Variants in DNAH8 observed in about 807,000 individuals in gnomAD.
The protein encoded by DNAH8 is dynein axonemal heavy chain 8.
DNAH8 carries 382 observed loss-of-function variants against 562.1 expected under a neutral mutation model. The observed-to-expected ratio is 0.68, with a 90% CI of 0.63 to 0.74. DNAH8 has a LOEUF of 0.74. Among genes scored for constraint, DNAH8 ranks in the 30% least tolerant of loss-of-function variants. The pLI is 0.00. For synonymous variants in DNAH8, 1,881 were observed against 1,919.4 expected, an observed-to-expected ratio of 0.98 and a Z score of 0.52; for missense variants, 5,203 against 5,620.4, an observed-to-expected ratio of 0.93 and a Z score of 2.37.
chr6:38,805,075 T>C (rs1220731073), intron 22 of DNAH8, among the ~76,000 whole-genome samples: 2 of 152,210 alleles, frequency 1.3e-5, no homozygotes, highest in Non-Finnish European at 2.9e-5. Context: ...AGAATGAGTA[T>C]GCACATCACA....
At chr6:38,797,113 G>A (rs1770337165) in intron 21 of DNAH8, among the ~76,000 whole-genome samples, 1 of 152,196 alleles carries the variant, frequency 6.6e-6, no homozygotes, top group African/African-American at 2.4e-5. Context: ...TCAACTTGGG[G>A]CTGGACGCGG....
intron 9 of DNAH8, among the ~76,000 whole-genome samples, chr6:38,753,711 A>C (rs1765664477): frequency 6.6e-6 from 1 of 152,332 alleles, no homozygotes; most frequent in South Asian, 2.1e-4. Flanking sequence ...GTTTTAATTC[A>C]TATAATTTAA....
rs766979092 is a variant in DNAH8, at chr6:38,723,369, A to G, written c.423A>G (p.Arg141=). Residue 141 remains arginine, a synonymous_variant, in exon 3 of 93, where the codon AGA becomes AGG. Coordinates refer to ENST00000327475, the MANE Select transcript of DNAH8 (RefSeq NM_001206927.2). ...ARFREARESR[R]LKIDPSYKYI... The stretch of plus-strand genomic sequence containing the variant: ...TTAGAGAGGCAAGGGAAAGCCGAAG[A>G]CTGAAAATTGACCCTTCATACAAAT... 1.9e-5 allele frequency: 31 copies of G among 1,611,388 alleles called. No homozygotes were observed. Among genetic ancestry groups the G allele is most frequent in the Non-Finnish European group, 2.5e-5 (29 of 1,179,626 alleles).
intron 13 of DNAH8, among the ~76,000 whole-genome samples, chr6:38,778,038 A>G (rs1768235885): frequency 6.6e-6 from 1 of 152,244 alleles, no homozygotes; most frequent in Non-Finnish European, 1.5e-5. Flanking sequence ...AGGTGAAATT[A>G]ATTTTAATAA....
At chr6:39,007,357 C>T (rs1765861097) in intron 88 of DNAH8, among the ~76,000 whole-genome samples, 1 of 152,188 alleles carries the variant, frequency 6.6e-6, no homozygotes, top group Admixed American at 6.5e-5. Context: ...AAAAACAAGC[C>T]ACTAATCTCA....
intron 21 of DNAH8, among the ~76,000 whole-genome samples, chr6:38,797,596 A>G (rs1770391649): frequency 6.6e-6 from 1 of 151,962 alleles, no homozygotes; most frequent in Non-Finnish European, 1.5e-5. Flanking sequence ...TCCAATTCCA[A>G]TTCCTTGTAA....
chr6:38,761,586 G>T, intron 10 of DNAH8, 116 bp from the exon 11 acceptor site: 1 of 561,124 alleles, frequency 1.8e-6, no homozygotes, highest in Non-Finnish European at 2.8e-6. Flanking sequence ...ATGAGCCACT[G>T]CACTTGGCCC....
At chr6:38,853,489 C>T (rs1775932256) in intron 41 of DNAH8, 142 bp downstream of exon 41, 1 of 886,194 alleles carries the variant, frequency 1.1e-6, no homozygotes, top group Non-Finnish European at 1.7e-6. Flanking sequence ...TCATTTTAGC[C>T]TCAGCTCCCA....
rs554468076 is a variant in DNAH8 at position 38,992,254 on chromosome 6, C to T, written c.13214+2082C>T. On this transcript the variant is annotated intron_variant, in intron 88 of 92. Coordinates refer to ENST00000327475, the MANE Select transcript of DNAH8 (RefSeq NM_001206927.2). ...AAGTGTTGGGATTACAGGTGTGAGC[C>T]ACCGCACCCAGCCTCATACTTTACA... 2.0e-5 allele frequency among the ~76,000 whole-genome samples: 3 copies of T among 152,302 alleles called. No individual in the cohort carries two copies. In the East Asian group the frequency reaches 5.8e-4, roughly 29 times the overall value.
chr6:38,925,496 C>T (rs563342891), intron 73 of DNAH8, among the ~76,000 whole-genome samples: 92 of 151,832 alleles, frequency 6.1e-4, no homozygotes, highest in African/African-American at 2.1e-3. Context: ...GCGCCTGGCC[C>T]GGTGATTTTA....
intron 21 of DNAH8, among the ~76,000 whole-genome samples, chr6:38,798,243 A>T (rs1030299655): frequency 2.0e-5 from 3 of 152,334 alleles, no homozygotes; most frequent in South Asian, 4.1e-4. Context: ...AAGTCTGTGA[A>T]TATACTAAAA....
At chr6:38,927,839 C>G (rs1056474639) in intron 74 of DNAH8, among the ~76,000 whole-genome samples, 20 of 152,156 alleles carry the variant, frequency 1.3e-4, no homozygotes, top group African/African-American at 4.8e-4. Flanking sequence ...TCCCAGGAAC[C>G]TTCTTGTGGA....
intron 91 of DNAH8, among the ~76,000 whole-genome samples, chr6:39,019,192 A>G (rs71571358): frequency 0.15 from 23,505 of 152,136 alleles, 1,947 homozygotes; most frequent in Middle Eastern, 0.25. Flanking sequence ...TAAAAGAGGC[A>G]GGAGGAGGTG....
chr6:39,011,511 G>A (rs1208007973), intron 89 of DNAH8, among the ~76,000 whole-genome samples: 1 of 152,196 alleles, frequency 6.6e-6, no homozygotes. Context: ...TTGGGCATAT[G>A]TCACCAAATT....
intron 52 of DNAH8, 98 bp downstream of exon 52, chr6:38,873,474 A>C (rs1438565479): frequency 6.4e-6 from 7 of 1,087,706 alleles, no homozygotes; most frequent in East Asian, 2.6e-5. Context: ...CAGACAGTCC[A>C]TAAAAATCAT....
At chr6:38,896,617 AAAAG>A (rs1434187127) in intron 60 of DNAH8, among the ~76,000 whole-genome samples, 7 of 151,868 alleles carry the variant, frequency 4.6e-5, no homozygotes, top group Admixed American at 2.0e-4. Context: ...AAAAAAACAA[AAAAG>A]AGAGAGAGAG....
At chr6:38,916,887 G>A (rs1159371810) in intron 68 of DNAH8, among the ~76,000 whole-genome samples, 1 of 152,170 alleles carries the variant, frequency 6.6e-6, no homozygotes, top group Non-Finnish European at 1.5e-5. Flanking sequence ...CTGATATTCA[G>A]GGCTTTGTAT....
At chr6:38,942,708 A>G (rs767357603) in intron 79 of DNAH8, among the ~76,000 whole-genome samples, 18 of 152,288 alleles carry the variant, frequency 1.2e-4, no homozygotes, top group Admixed American at 8.5e-4. Context: ...AACAGATAGC[A>G]TTTGTCGTAG....
At position 38,783,011 on chromosome 6, in the gene DNAH8, C is replaced by CA; in HGVS notation, c.2268dup (p.Asp757ArgfsTer9). On this transcript the variant is annotated frameshift_variant, in exon 17 of 93. Coordinates refer to ENST00000327475, the MANE Select transcript of DNAH8 (RefSeq NM_001206927.2). LOFTEE classifies it high-confidence loss of function. ...TTTCCCTTAAAAAAACAGAAAAACT[C>CA]AGACATTTTATCAAGTCCGGACGGT... The CA allele has an allele frequency of 6.2e-7, 1 of 1,610,552 alleles. No individual in the cohort carries two copies. Among genetic ancestry groups the CA allele is most frequent in the East Asian group, 2.2e-5 (1 of 44,862 alleles).
Sources: allele counts gnomAD v4.1 joint callset (sites outside exome capture counted in the v4.1 genomes callset), GRCh38; gene constraint gnomAD v4.1.1; transcripts MANE v1.5; gene names NCBI Gene and HGNC (gene_info 2026-07-23, HGNC 2026-07-21).